The following SQOR variants were observed in gnomAD, a reference collection of about 807,000 sequenced individuals.
The protein encoded by SQOR is sulfide:quinone oxidoreductase, mitochondrial.
In SQOR, 39 loss-of-function variants were observed where a neutral mutation model predicts 48.6. The ratio of observed to expected loss-of-function variants is 0.80; its 90% CI spans 0.62 to 1.05. SQOR has a LOEUF of 1.05. SQOR is among the 50% of genes least tolerant of loss of function. SQOR has a pLI of 0.00. For synonymous variants in SQOR, 220 were observed against 206.2 expected (o/e 1.07, Z -0.57); for missense variants, 561 against 559.9 (o/e 1.00, Z -0.02).
chr15:45,684,105 G>A (rs1890178126), intron 7 of SQOR, among the ~76,000 whole-genome samples: 1 of 152,082 alleles, frequency 6.6e-6, no homozygotes, highest in African/African-American at 2.4e-5. Flanking sequence ...TAGAGATGGG[G>A]TTTCACCATG....
intron 6 of SQOR, among the ~76,000 whole-genome samples, chr15:45,679,605 G>A (rs1448223455): frequency 6.6e-6 from 1 of 152,172 alleles, no homozygotes; most frequent in South Asian, 2.1e-4. Context: ...GGAGGCTGAG[G>A]CAGAGAATTG....
At chr15:45,656,717 T>C (rs1315471300) in intron 1 of SQOR, among the ~76,000 whole-genome samples, 1 of 152,206 alleles carries the variant, frequency 6.6e-6, no homozygotes, top group Non-Finnish European at 1.5e-5. Context: ...GGCTTTGTTT[T>C]TTCTAATATA....
At chr15:45,659,237 T>C (rs1046848051) in intron 2 of SQOR, 80 bp downstream of exon 2, 4 of 1,232,084 alleles carry the variant, frequency 3.2e-6, no homozygotes, top group Non-Finnish European at 3.3e-6. Context: ...TGTTCTGGGG[T>C]TGGATATGAC....
intron 1 of SQOR, among the ~76,000 whole-genome samples, chr15:45,653,505 A>G (rs971084896): frequency 1.3e-5 from 2 of 152,210 alleles, no homozygotes; most frequent in Non-Finnish European, 2.9e-5. Flanking sequence ...CTCCGGTCAC[A>G]CCACCATCCA....
intron 1 of SQOR, among the ~76,000 whole-genome samples, chr15:45,644,044 GTAAT>G (rs1254473148): frequency 6.6e-6 from 1 of 151,962 alleles, no homozygotes; most frequent in African/African-American, 2.4e-5. Context: ...TCGGTACTAT[GTAAT>G]TAAATTGCAT....
chr15:45,649,630 C>T (rs755750292), intron 1 of SQOR, among the ~76,000 whole-genome samples: 20 of 151,936 alleles, frequency 1.3e-4, no homozygotes, highest in Non-Finnish European at 2.8e-4. Flanking sequence ...CAGGCACCTG[C>T]CTCCATGCCC....
chr15:45,672,504 G>A (rs943020549), intron 4 of SQOR, among the ~76,000 whole-genome samples: 1 of 152,142 alleles, frequency 6.6e-6, no homozygotes, highest in Non-Finnish European at 1.5e-5. Context: ...GGAGATGAGA[G>A]GACTCTGTTT....
chr15:45,635,124 G>A lies in SQOR; in HGVS notation c.-18+16G>A, dbSNP rs1424965155. The A allele has an allele frequency of 6.6e-6, 1 of 152,408 alleles. No individual in the cohort carries two copies. Among genetic ancestry groups the A allele is most frequent in the African/African-American group, 2.4e-5 (1 of 41,478 alleles). 9.4% of individuals were successfully genotyped at this position (152,408 alleles called of 1,614,324 possible). A position where few individuals can be genotyped will look rare whatever the true frequency, so the allele number is the denominator to read the frequency against. On this transcript the variant is annotated intron_variant, in intron 1 of 9. Coordinates refer to ENST00000260324, the MANE Select transcript of SQOR (RefSeq NM_021199.4). ...TCACGCCCGGGTAAGAGGCATCCGC[G>A]GCCGATCTTTGGCCCTGGGCCAGCG...
upstream of SQOR, among the ~76,000 whole-genome samples, chr15:45,633,566 T>A (rs763493047): frequency 6.6e-6 from 1 of 151,812 alleles, no homozygotes; most frequent in Non-Finnish European, 1.5e-5. Context: ...TGGTGGTGGA[T>A]GCCTGTAGTC....
intron 3 of SQOR, among the ~76,000 whole-genome samples, chr15:45,665,594 T>A (rs1595502339): frequency 6.6e-6 from 1 of 152,056 alleles, no homozygotes; most frequent in Non-Finnish European, 1.5e-5. Context: ...CTTTTTTTTT[T>A]TTTTTTGGAG....
rs146433889 is a variant in SQOR, at chr15:45,685,150, C to T, written c.1048+2489C>T. 2.9e-3 allele frequency among the ~76,000 whole-genome samples: 442 copies of T among 152,162 alleles called. 4 individuals carry two copies. Among genetic ancestry groups the T allele is most frequent in the African/African-American group, 0.01 (431 of 41,528 alleles). ...TGCCATTAAGAGGAGTGGCAAAAAC[C>T]GCAGTTACTTGCACCAAGCTAATAT... is the stretch of plus-strand genomic sequence containing the variant. On this transcript the variant is annotated intron_variant, in intron 7 of 9. Transcript: ENST00000260324.
chr15:45,644,375 C>T (rs560199309), intron 1 of SQOR, among the ~76,000 whole-genome samples: 2 of 152,284 alleles, frequency 1.3e-5, no homozygotes, highest in East Asian at 1.9e-4. Flanking sequence ...CATGAGCCAC[C>T]GCGCCTGGCT....
intron 1 of SQOR, among the ~76,000 whole-genome samples, chr15:45,651,077 G>A (rs1043683346): frequency 1.3e-5 from 2 of 152,198 alleles, no homozygotes; most frequent in Admixed American, 6.5e-5. Context: ...GCGCCCATCA[G>A]GGAGGCTCAC....
intron 1 of SQOR, among the ~76,000 whole-genome samples, chr15:45,655,442 C>T (rs1286453201): frequency 6.6e-6 from 1 of 152,198 alleles, no homozygotes; most frequent in Non-Finnish European, 1.5e-5. Context: ...AAAATATCTT[C>T]TTCCTTCCGT....
intron 7 of SQOR, 94 bp downstream of exon 7, chr15:45,682,755 C>T (rs1028743949): frequency 5.7e-5 from 82 of 1,438,646 alleles, no homozygotes; most frequent in Non-Finnish European, 6.3e-5. Context: ...CGGCCAGAGA[C>T]GGTGGTTCCT....
intron 2 of SQOR, among the ~76,000 whole-genome samples, chr15:45,660,900 A>G (rs531325362): frequency 2.0e-5 from 3 of 151,776 alleles, no homozygotes; most frequent in Non-Finnish European, 2.9e-5. Flanking sequence ...TCCCCAGTCT[A>G]CTCTAAGTGG....
Position 45,691,222 on chromosome 15 carries a change from T to G in SQOR, c.*192T>G. On this transcript the variant is annotated 3_prime_UTR_variant, in exon 10 of 10. Coordinates refer to ENST00000260324, the MANE Select transcript of SQOR (RefSeq NM_021199.4). ...GTGGGCTACTCATGATGGGCTTGATTCTTTGGGAATAATAAAATGAAATAA... is the reference window on the plus strand; with the variant it reads ...GTGGGCTACTCATGATGGGCTTGATGCTTTGGGAATAATAAAATGAAATAA... The G allele has an allele frequency of 1.9e-6, 1 of 530,280 alleles. No individual in the cohort carries two copies. Among genetic ancestry groups the G allele is most frequent in the Non-Finnish European group, 3.4e-6 (1 of 295,676 alleles). 32.8% of individuals were successfully genotyped at this position (530,280 alleles called of 1,614,324 possible). A position where few individuals can be genotyped will look rare whatever the true frequency, so the allele number is the denominator to read the frequency against.
intron 6 of SQOR, among the ~76,000 whole-genome samples, chr15:45,680,553 C>T (rs1890109672): frequency 6.6e-6 from 1 of 151,960 alleles, no homozygotes; most frequent in Non-Finnish European, 1.5e-5. Flanking sequence ...GGAGCTGGGA[C>T]AACAGGCATG....
chr15:45,654,515 C>T (rs937615576), intron 1 of SQOR, among the ~76,000 whole-genome samples: 6 of 152,068 alleles, frequency 3.9e-5, no homozygotes, highest in African/African-American at 1.2e-4. Context: ...TGAAATAAAG[C>T]AGAAGTAGCC....
Sources: allele counts gnomAD v4.1 joint callset (sites outside exome capture counted in the v4.1 genomes callset), GRCh38; gene constraint gnomAD v4.1.1; transcripts MANE v1.5; gene names NCBI Gene and HGNC (gene_info 2026-07-23, HGNC 2026-07-21).